The following NAALAD2 variants were observed in gnomAD, a reference collection of about 807,000 sequenced individuals.
NAALAD2 encodes N-acetylated alpha-linked acidic dipeptidase 2, also known as N-acetylated-alpha-linked acidic dipeptidase 2.
Under a neutral mutation model 95.6 loss-of-function variants are expected in NAALAD2, and 89 were observed. That is an observed-to-expected ratio of 0.93 (90% CI 0.78 to 1.11). NAALAD2 has a LOEUF of 1.11. Among genes scored for constraint, NAALAD2 ranks in the 50% least tolerant of loss-of-function variants. The probability of loss-of-function intolerance (pLI) is 0.00; values close to 1 mark genes in which losing one functional copy is unlikely to be tolerated. For synonymous variants in NAALAD2, 264 were observed against 294.4 expected, an observed-to-expected ratio of 0.90 and a Z score of 1.06; for missense variants, 894 against 872.4, an observed-to-expected ratio of 1.02 and a Z score of -0.31.
intron 16 of NAALAD2, among the ~76,000 whole-genome samples, chr11:90,179,504 C>T (rs1256488635): frequency 6.6e-6 from 1 of 151,526 alleles, no homozygotes; most frequent in Non-Finnish European, 1.5e-5. Context: ...ATATTATATA[C>T]AGGATTAGTA....
intron 16 of NAALAD2, among the ~76,000 whole-genome samples, chr11:90,179,908 A>G (rs573221864): frequency 1.3e-5 from 2 of 152,156 alleles, no homozygotes; most frequent in Non-Finnish European, 2.9e-5. Context: ...ACTATTGGTG[A>G]CTATCCATTA....
At chr11:90,148,187 C>A (rs1344098624) in intron 3 of NAALAD2, among the ~76,000 whole-genome samples, 5 of 152,134 alleles carry the variant, frequency 3.3e-5, no homozygotes, top group Non-Finnish European at 5.9e-5. Context: ...CTCTATGGAT[C>A]ACACCTAGGC....
intron 18 of NAALAD2, among the ~76,000 whole-genome samples, chr11:90,191,130 C>T (rs1857311975): frequency 6.6e-6 from 1 of 152,010 alleles, no homozygotes; most frequent in South Asian, 2.1e-4. Context: ...TTTTTAATGT[C>T]TAAAAAGTAT....
At position 90,135,573 on chromosome 11, in the gene NAALAD2, CCT is replaced by C. The variant is rs1951434471; in HGVS notation, c.101_102del (p.Leu34GlnfsTer24). The C allele has an allele frequency of 6.2e-7, 1 of 1,608,708 alleles. No individual in the cohort carries two copies. Among genetic ancestry groups the C allele is most frequent in the East Asian group, 2.2e-5 (1 of 44,784 alleles). On this transcript the variant is annotated frameshift_variant, in exon 2 of 19. Coordinates refer to ENST00000534061, the MANE Select transcript of NAALAD2 (RefSeq NM_005467.4). LOFTEE classifies it high-confidence loss of function. ...MGFMVGWFIK[P>X]LKETTTSVRY... ...TTTTTCCTTAGGCTGGTTTATTAAG[CCT>C]CTCAAAGAAACGACCACTTCTGTGC... is the stretch of plus-strand genomic sequence containing the variant.
At chr11:90,179,335 C>T (rs777170097) in intron 16 of NAALAD2, among the ~76,000 whole-genome samples, 16 of 152,058 alleles carry the variant, frequency 1.1e-4, no homozygotes, top group South Asian at 6.2e-4. Flanking sequence ...TGGTCATAGT[C>T]CTAAGAAAGC....
chr11:90,163,441 T>G lies in NAALAD2; in HGVS notation c.1195+12T>G. 2 of 1,613,866 alleles carry G rather than the reference T, an allele frequency of 1.2e-6. No homozygotes were observed. The highest frequency in any genetic ancestry group is 1.7e-6 in the Non-Finnish European group (2 of 1,179,890). ...ACTGATGAGTAAAGGTAAACAACCT[T>G]TCTTTCCTAGGTGATGACAAAAAGT... is the stretch of plus-strand genomic sequence containing the variant. On this transcript the variant is annotated intron_variant, in intron 10 of 18. Transcript: ENST00000534061.
intron 2 of NAALAD2, among the ~76,000 whole-genome samples, chr11:90,140,127 A>G (rs572242118): frequency 6.6e-6 from 1 of 152,286 alleles, no homozygotes; most frequent in East Asian, 1.9e-4. Context: ...TCAGGTAGTG[A>G]TGATTAGGGA....
rs144915140 is a variant in NAALAD2 at position 90,183,189 on chromosome 11, T to G, written c.2033+181T>G. ...ATTAGAAAAATAAATTTCATATTGT[T>G]TATTGCTTTGCTGTGAGGGAAAATG... On this transcript the variant is annotated intron_variant, in intron 18 of 18. Coordinates refer to ENST00000534061, the MANE Select transcript of NAALAD2 (RefSeq NM_005467.4). Among the ~76,000 whole-genome samples the G allele has an allele frequency of 6.7e-3, 1,014 of 152,314 alleles. 18 individuals are homozygous for G. Among genetic ancestry groups the G allele is most frequent in the African/African-American group, 0.023 (966 of 41,556 alleles).
rs935376530 is a variant in NAALAD2 at position 90,192,699 on chromosome 11, C to T, written c.*952C>T. The T allele has an allele frequency of 1.3e-5, 2 of 151,962 alleles. No individual in the cohort carries two copies. The highest frequency in any genetic ancestry group is 4.8e-5 in the African/African-American group (2 of 41,424). 9.4% of individuals were successfully genotyped at this position (151,962 alleles called of 1,614,324 possible). ...CAGGAAAAAGCCAGTAATATTCATA[C>T]ATTTAATAATTTCAGCTCTACTGAA... is the stretch of plus-strand genomic sequence containing the variant. On this transcript the variant is annotated 3_prime_UTR_variant, in exon 19 of 19. Coordinates refer to ENST00000534061, the MANE Select transcript of NAALAD2 (RefSeq NM_005467.4).
intron 6 of NAALAD2, among the ~76,000 whole-genome samples, chr11:90,155,859 T>TA (rs1565523984): frequency 1.4e-4 from 20 of 142,514 alleles, no homozygotes; most frequent in Non-Finnish European, 2.4e-4. Flanking sequence ...ATATATTATA[T>TA]TATATATAAT....
chr11:90,144,008 C>T (rs1044835940), intron 2 of NAALAD2, among the ~76,000 whole-genome samples: 5 of 152,052 alleles, frequency 3.3e-5, no homozygotes, highest in African/African-American at 1.2e-4. Flanking sequence ...TATGTATTAT[C>T]AAGGCACATC....
rs77745866 is a variant in NAALAD2 at position 90,150,558 on chromosome 11, C to T, written c.560C>T (p.Thr187Ile). The change falls in exon 5 of 19, where the codon ACT (threonine) becomes ATT (isoleucine). Residue 187 changes from threonine to isoleucine, a missense_variant. Physicochemically the swap from Thr to Ile is moderately conservative, Grantham distance 89. Coordinates refer to ENST00000534061, the MANE Select transcript of NAALAD2 (RefSeq NM_005467.4). ...KLEREMGINC[T>I]GKIVIARYGK... Reference sequence around the variant, plus strand: ...GAAAGAGAGATGGGCATCAACTGTACTGGGAAGATTGTTATTGCAAGATAT... The same window carrying T: ...GAAAGAGAGATGGGCATCAACTGTATTGGGAAGATTGTTATTGCAAGATAT... 4.8e-3 allele frequency: 7,654 copies of T among 1,607,414 alleles called. 288 individuals are homozygous for T. The African/African-American group carries it at 0.085, about 18-fold the overall frequency.
chr11:90,155,357 TG>T (rs1250283295), intron 6 of NAALAD2, among the ~76,000 whole-genome samples: 1 of 114,566 alleles, frequency 8.7e-6, no homozygotes, highest in South Asian at 2.4e-4. Flanking sequence ...ATATATTACA[TG>T]TATAATATGT....
intron 18 of NAALAD2, among the ~76,000 whole-genome samples, chr11:90,186,988 C>A (rs1450812746): frequency 1.1e-4 from 16 of 149,744 alleles, no homozygotes; most frequent in Non-Finnish European, 2.2e-4. Flanking sequence ...AAGAAAAAAA[C>A]AACCCCATCA....
intron 13 of NAALAD2, among the ~76,000 whole-genome samples, chr11:90,172,582 A>C (rs953275250): frequency 2.0e-5 from 3 of 152,180 alleles, no homozygotes; most frequent in African/African-American, 7.2e-5. Flanking sequence ...TTACTTGGAG[A>C]CATATCTATC....
At chr11:90,164,246 G>A (rs939033889) in intron 11 of NAALAD2, 2 of 152,186 alleles carry the variant, frequency 1.3e-5, no homozygotes, top group African/African-American at 2.4e-5. Flanking sequence ...ATTTGTCACT[G>A]ACTCTTAATT....
In NAALAD2 at chr11:90,137,470, T is replaced by C. The variant is rs139548766; in HGVS notation, c.194+1800T>C. On this transcript the variant is annotated intron_variant, in intron 2 of 18. Transcript: ENST00000534061. ...TATGCTTGTATCAAGATATCACATA[T>C]ACCCTATAAATGTGTACAAGTAGTA... 2.6e-5 allele frequency among the ~76,000 whole-genome samples: 4 copies of C among 152,344 alleles called. No individual in the cohort carries two copies. In the East Asian group the frequency reaches 7.7e-4, roughly 29 times the overall value.
Position 90,168,923 on chromosome 11 carries a change from C to G in NAALAD2, c.1279-6C>G. ...GAATTAAGTAACAACTTTGCTTCAA[C>G]TACAGGAGAATGTCAAAATACTCCA... On this transcript the variant is annotated splice_polypyrimidine_tract_variant and splice_region_variant and intron_variant, in intron 11 of 18. Coordinates refer to ENST00000534061, the MANE Select transcript of NAALAD2 (RefSeq NM_005467.4). The G allele has an allele frequency of 1.2e-6, 2 of 1,603,302 alleles. No homozygotes were observed. Among genetic ancestry groups the G allele is most frequent in the Non-Finnish European group, 1.7e-6 (2 of 1,174,466 alleles).
chr11:90,187,036 A>G (rs1857166759), intron 18 of NAALAD2, among the ~76,000 whole-genome samples: 1 of 152,068 alleles, frequency 6.6e-6, no homozygotes, highest in South Asian at 2.1e-4. Context: ...ACTTCTCAAA[A>G]GAAGACATTT....
Sources: gnomAD v4.1 joint callset for allele counts (sites outside exome capture counted in the v4.1 genomes callset) on GRCh38, gnomAD v4.1.1 for gene constraint, MANE v1.5 for transcripts, NCBI Gene and HGNC (gene_info 2026-07-23, HGNC 2026-07-21) for gene names.